CORIN: variants seen among roughly 807,000 people sequenced by gnomAD.
CORIN encodes the protein corin, serine peptidase, also known as atrial natriuretic peptide-converting enzyme.
Under a neutral mutation model 125.3 loss-of-function variants are expected in CORIN, and 117 were observed. The observed-to-expected ratio is 0.93, with a 90% CI of 0.80 to 1.09. CORIN has a LOEUF of 1.09. Among genes scored for constraint, CORIN ranks in the 50% least tolerant of loss-of-function variants. CORIN has a pLI of 0.00. For synonymous variants in CORIN, 450 were observed against 466.4 expected, an observed-to-expected ratio of 0.96 and a Z score of 0.45; for missense variants, 1,253 against 1,306.7, an observed-to-expected ratio of 0.96 and a Z score of 0.63.
intron 13 of CORIN, among the ~76,000 whole-genome samples, chr4:47,649,223 TG>T (rs1474674929): frequency 2.0e-5 from 3 of 152,178 alleles, no homozygotes; most frequent in Non-Finnish European, 4.4e-5. Context: ...AAGGAATGGA[TG>T]GGACTTTAAA....
At chr4:47,808,933 T>C (rs1731926072) in intron 1 of CORIN, among the ~76,000 whole-genome samples, 1 of 152,178 alleles carries the variant, frequency 6.6e-6, no homozygotes, top group Non-Finnish European at 1.5e-5. Context: ...AGAGATGAAA[T>C]GTACATGACT....
At chr4:47,780,814 A>C (rs1430972357) in intron 3 of CORIN, among the ~76,000 whole-genome samples, 1 of 152,166 alleles carries the variant, frequency 6.6e-6, no homozygotes, top group Non-Finnish European at 1.5e-5. Flanking sequence ...AACTGGTATA[A>C]ATTCAAGTTA....
intron 5 of CORIN, among the ~76,000 whole-genome samples, chr4:47,710,028 T>G (rs971538873): frequency 2.6e-5 from 4 of 152,198 alleles, no homozygotes; most frequent in Non-Finnish European, 4.4e-5. Context: ...TTCATATGAG[T>G]CAGTTTTGTG....
chr4:47,668,406 G>C (rs1447425612), intron 10 of CORIN, among the ~76,000 whole-genome samples: 3 of 152,062 alleles, frequency 2.0e-5, no homozygotes, highest in African/African-American at 7.2e-5. Flanking sequence ...ACTTAGACAG[G>C]GATTTCTGTT....
chr4:47,681,037 T>G (rs1046010087), intron 7 of CORIN: 1 of 152,210 alleles, frequency 6.6e-6, no homozygotes, highest in Non-Finnish European at 1.5e-5. Flanking sequence ...AACTAAGTGA[T>G]AAGTTCGCTC....
At chr4:47,643,370 T>C in intron 14 of CORIN, 114 bp from the exon 15 acceptor site, 1 of 903,732 alleles carries the variant, frequency 1.1e-6, no homozygotes, top group South Asian at 1.7e-5. Context: ...AAATATGTGA[T>C]CACTGAGGCT....
chr4:47,784,430 A>C (rs1730694875), intron 3 of CORIN, among the ~76,000 whole-genome samples: 1 of 152,212 alleles, frequency 6.6e-6, no homozygotes, highest in South Asian at 2.1e-4. Flanking sequence ...ATGTCAATTT[A>C]TGCTCATATT....
At chr4:47,755,167 C>T (rs988014401) in intron 4 of CORIN, among the ~76,000 whole-genome samples, 21 of 152,150 alleles carry the variant, frequency 1.4e-4, no homozygotes, top group African/African-American at 4.8e-4. Context: ...CTCACCATTT[C>T]CTGAGACAAC....
chr4:47,779,262 T>C (rs1730428867), intron 3 of CORIN, among the ~76,000 whole-genome samples: 1 of 149,062 alleles, frequency 6.7e-6, no homozygotes, highest in Admixed American at 6.6e-5. Flanking sequence ...AGGTCAGGAG[T>C]TTGAGACCAG....
chr4:47,691,058 C>G (rs549909349), intron 6 of CORIN, among the ~76,000 whole-genome samples: 2 of 152,298 alleles, frequency 1.3e-5, no homozygotes, highest in Non-Finnish European at 2.9e-5. Flanking sequence ...TTGGCAAATG[C>G]CTTGCAAAAC....
chr4:47,693,023 A>G lies in CORIN; in HGVS notation c.860T>C (p.Leu287Pro). Residue 287 changes from leucine (L) to proline (P), a missense_variant, in exon 6 of 22, where the codon CTG (leucine) becomes CCG (proline). Leu to Pro is a moderately conservative substitution (Grantham distance 98, BLOSUM62 -3). Transcript: ENST00000273857. Reference protein sequence around the residue: ...CASGICIPGKLQCNGYNDCDD... With the variant: ...CASGICIPGKPQCNGYNDCDD... ...ACAGTCGTTGTAGCCATTACATTGCAGTTTCCCGGGGATGCAGATTCCACT... is the reference window on the plus strand; with the variant it reads ...ACAGTCGTTGTAGCCATTACATTGCGGTTTCCCGGGGATGCAGATTCCACT... 3 of 1,613,930 alleles carry G rather than the reference A, an allele frequency of 1.9e-6. No individual in the cohort carries two copies. Among genetic ancestry groups the G allele is most frequent in the Non-Finnish European group, 2.5e-6 (3 of 1,179,894 alleles).
intron 3 of CORIN, among the ~76,000 whole-genome samples, chr4:47,786,240 G>A (rs989609853): frequency 6.6e-6 from 1 of 151,980 alleles, no homozygotes; most frequent in African/African-American, 2.4e-5. Context: ...TCATGTTTAA[G>A]AATAGGGCAC....
At chr4:47,683,176 A>G (rs1295165993) in intron 7 of CORIN, 1 of 152,250 alleles carries the variant, frequency 6.6e-6, no homozygotes, top group Non-Finnish European at 1.5e-5. Flanking sequence ...ATGAGATGGC[A>G]TTCAGAATTG....
At chr4:47,622,443 T>C (rs1298367678) in intron 19 of CORIN, among the ~76,000 whole-genome samples, 1 of 149,848 alleles carries the variant, frequency 6.7e-6, no homozygotes, top group Non-Finnish European at 1.5e-5. Context: ...CCACAATGGT[T>C]GAACTAGTTT....
intron 12 of CORIN, 40 bp downstream of exon 12, chr4:47,661,671 C>A: frequency 6.6e-7 from 1 of 1,519,650 alleles, no homozygotes; most frequent in Non-Finnish European, 9.0e-7. Flanking sequence ...ACATGTTCAT[C>A]CATGTTAGAT....
At chr4:47,792,035 G>A (rs916330219) in intron 2 of CORIN, among the ~76,000 whole-genome samples, 4 of 152,170 alleles carry the variant, frequency 2.6e-5, no homozygotes, top group African/African-American at 9.7e-5. Context: ...ATTTGAAAAA[G>A]TCAGGAAAGC....
chr4:47,651,941 A>C (rs955193603), intron 13 of CORIN, among the ~76,000 whole-genome samples: 1 of 152,140 alleles, frequency 6.6e-6, no homozygotes, highest in Non-Finnish European at 1.5e-5. Flanking sequence ...TATTTCTCAA[A>C]TATTTAGTCC....
intron 12 of CORIN, among the ~76,000 whole-genome samples, chr4:47,660,492 A>C (rs1450820681): frequency 6.6e-6 from 1 of 152,202 alleles, no homozygotes; most frequent in African/African-American, 2.4e-5. Context: ...AATAACTAAT[A>C]ATCTGATTTA....
rs182210311 is a variant in CORIN, at chr4:47,747,733, C to T, written c.618-3150G>A. 8.5e-5 allele frequency among the ~76,000 whole-genome samples: 13 copies of T among 152,298 alleles called. No individual in the cohort carries two copies. The East Asian group carries it at 2.1e-3, about 25-fold the overall frequency. Reference sequence around the variant, plus strand: ...TCACCCTGCAACTTTCACATGGCCACTCCTCCACTGTTGAATCTTGGGCAA... The same window carrying T: ...TCACCCTGCAACTTTCACATGGCCATTCCTCCACTGTTGAATCTTGGGCAA... On this transcript the variant is annotated intron_variant, in intron 4 of 21. Coordinates refer to ENST00000273857, the MANE Select transcript of CORIN (RefSeq NM_006587.4).
Sources: gnomAD v4.1 joint callset for allele counts (sites outside exome capture counted in the v4.1 genomes callset) on GRCh38, gnomAD v4.1.1 for gene constraint, MANE v1.5 for transcripts, NCBI Gene and HGNC (gene_info 2026-07-23, HGNC 2026-07-21) for gene names.